Variants in VXN observed in about 807,000 individuals in gnomAD.
VXN encodes the protein vexin, also known as uncharacterized protein C8orf46.
VXN carries 7 observed loss-of-function variants against 23.1 expected under a neutral mutation model. The ratio of observed to expected loss-of-function variants is 0.30; its 90% CI spans 0.17 to 0.57. The LOEUF is 0.57. VXN is among the 20% of genes least tolerant of loss of function. VXN has a pLI of 0.91. For missense variants in VXN, 238 were observed against 272.6 expected, an observed-to-expected ratio of 0.87 and a Z score of 0.89; for synonymous variants, 120 against 105.8, an observed-to-expected ratio of 1.13 and a Z score of -0.83.
intron 3 of VXN, among the ~76,000 whole-genome samples, chr8:66,507,419 C>T (rs1807772041): frequency 6.6e-6 from 1 of 152,172 alleles, no homozygotes; most frequent in Non-Finnish European, 1.5e-5. Flanking sequence ...GAAACCGAAA[C>T]CATAGAAACT....
intron 3 of VXN, 27 bp downstream of exon 3, chr8:66,505,555 C>CGCACCTCCCT: frequency 1.4e-6 from 2 of 1,458,788 alleles, no homozygotes; most frequent in Non-Finnish European, 1.8e-6. Flanking sequence ...CCCAGCTCCC[C>CGCACCTCCCT]GCACCTCCCT....
intron 5 of VXN, among the ~76,000 whole-genome samples, chr8:66,515,126 G>A (rs549566306): frequency 1.3e-5 from 2 of 152,142 alleles, no homozygotes; most frequent in South Asian, 4.1e-4. Flanking sequence ...AGTGGCAATA[G>A]CTGTTGCTGG....
intron 5 of VXN, among the ~76,000 whole-genome samples, chr8:66,515,171 C>A (rs900525796): frequency 6.6e-6 from 1 of 152,184 alleles, no homozygotes; most frequent in African/African-American, 2.4e-5. Flanking sequence ...TTCACTGTGC[C>A]ATGACAGAGG....
intron 2 of VXN, among the ~76,000 whole-genome samples, chr8:66,498,082 C>G (rs113446702): frequency 6.6e-6 from 1 of 151,752 alleles, no homozygotes; most frequent in African/African-American, 2.4e-5. Context: ...GCAGGAGAAT[C>G]GCTTGAACCT....
At chr8:66,506,564 A>G (rs78829791) in intron 3 of VXN, among the ~76,000 whole-genome samples, 3,275 of 152,200 alleles carry the variant, frequency 0.022, 73 homozygotes, top group Admixed American at 0.055. Flanking sequence ...TTTACCTCCA[A>G]AAATACACAA....
chr8:66,509,335 A>G (rs1399894419), intron 3 of VXN, among the ~76,000 whole-genome samples: 1 of 152,194 alleles, frequency 6.6e-6, no homozygotes, highest in African/African-American at 2.4e-5. Context: ...AATCCTTAGA[A>G]GCTTCAGAGT....
intron 3 of VXN, among the ~76,000 whole-genome samples, chr8:66,508,397 G>A (rs532322571): frequency 6.6e-6 from 1 of 152,204 alleles, no homozygotes; most frequent in East Asian, 1.9e-4. Flanking sequence ...ATCTGCCCCT[G>A]TGCTCCCTCA....
chr8:66,510,293 A>T (rs142365970), intron 4 of VXN, 136 bp downstream of exon 4: 2 of 719,948 alleles, frequency 2.8e-6, no homozygotes, highest in East Asian at 5.8e-5. Context: ...CATAACTGGC[A>T]GTTCTTTGCT....
At chr8:66,510,554 A>G (rs1807810411) in intron 4 of VXN, among the ~76,000 whole-genome samples, 1 of 152,228 alleles carries the variant, frequency 6.6e-6, no homozygotes, top group South Asian at 2.1e-4. Context: ...GAGCACTATG[A>G]AACACAAAAC....
intron 2 of VXN, among the ~76,000 whole-genome samples, chr8:66,499,258 G>C (rs954342049): frequency 1.9e-4 from 27 of 144,488 alleles, no homozygotes; most frequent in Admixed American, 1.2e-3. Context: ...GAGGGGACAG[G>C]GTCTCACTCT....
At chr8:66,498,853 C>T (rs1346821149) in intron 2 of VXN, 5 of 456,202 alleles carry the variant, frequency 1.1e-5, no homozygotes, top group Non-Finnish European at 2.2e-5. Context: ...TAACTGAAAC[C>T]ATAGATGAAA....
intron 2 of VXN, among the ~76,000 whole-genome samples, chr8:66,499,785 C>T (rs1807670501): frequency 6.6e-6 from 1 of 152,070 alleles, no homozygotes; most frequent in Non-Finnish European, 1.5e-5. Flanking sequence ...TCTCGAACTC[C>T]TGCAATTTGC....
At chr8:66,498,488 T>G (rs183103805) in intron 2 of VXN, among the ~76,000 whole-genome samples, 82 of 152,344 alleles carry the variant, frequency 5.4e-4, no homozygotes, top group African/African-American at 1.8e-3. Context: ...CTATATAAAA[T>G]TTTATACAAT....
At chr8:66,497,165 G>C (rs1456168464) in intron 2 of VXN, among the ~76,000 whole-genome samples, 1 of 152,202 alleles carries the variant, frequency 6.6e-6, no homozygotes, top group Non-Finnish European at 1.5e-5. Context: ...TTACAGGCAT[G>C]AGCCACTGCA....
chr8:66,512,181 G>A (rs1807831900), intron 4 of VXN, among the ~76,000 whole-genome samples: 1 of 152,130 alleles, frequency 6.6e-6, no homozygotes, highest in African/African-American at 2.4e-5. Context: ...TGTGACACCA[G>A]CATGGGAGAG....
chr8:66,496,579 T>G, intron 2 of VXN, 87 bp downstream of exon 2: 2 of 1,246,712 alleles, frequency 1.6e-6, no homozygotes, highest in Middle Eastern at 1.8e-4. Flanking sequence ...GCTCCCCAGC[T>G]CTCAGTGGCC....
At chr8:66,498,200 G>A (rs948198560) in intron 2 of VXN, among the ~76,000 whole-genome samples, 9 of 151,796 alleles carry the variant, frequency 5.9e-5, no homozygotes, top group Middle Eastern at 6.8e-3. Flanking sequence ...CAGGCATGGT[G>A]CTATGCTCTT....
chr8:66,511,307 C>T (rs1169490601), intron 4 of VXN, among the ~76,000 whole-genome samples: 1 of 152,208 alleles, frequency 6.6e-6, no homozygotes, highest in African/African-American at 2.4e-5. Context: ...TGTCAAGATC[C>T]ATAGGTGGTG....
chr8:66,498,857 G>C (rs1807656880), intron 2 of VXN: 2 of 456,396 alleles, frequency 4.4e-6, no homozygotes, highest in Admixed American at 4.7e-5. Context: ...TGAAACCATA[G>C]ATGAAAGGGA....
Sources: gnomAD v4.1 joint callset for allele counts (sites outside exome capture counted in the v4.1 genomes callset) on GRCh38, gnomAD v4.1.1 for gene constraint, MANE v1.5 for transcripts, NCBI Gene and HGNC (gene_info 2026-07-23, HGNC 2026-07-21) for gene names.